Variants in GMNC observed in about 807,000 individuals in gnomAD.
The protein encoded by GMNC is geminin coiled-coil domain containing.
Under a neutral mutation model 33.6 loss-of-function variants are expected in GMNC, and 16 were observed. That is an observed-to-expected ratio of 0.48 (90% CI 0.32 to 0.72). GMNC has a LOEUF of 0.72. Among genes scored for constraint, GMNC ranks in the 30% least tolerant of loss-of-function variants. GMNC has a pLI of 0.03. For synonymous variants in GMNC, 156 were observed against 147.3 expected, an observed-to-expected ratio of 1.06 and a Z score of -0.43; for missense variants, 393 against 388.9, an observed-to-expected ratio of 1.01 and a Z score of -0.09.
chr3:190,855,956 T>C (rs1004834971), intron 4 of GMNC, 41 bp from the exon 5 acceptor site: 2 of 1,416,830 alleles, frequency 1.4e-6, no homozygotes, highest in African/African-American at 1.5e-5. Flanking sequence ...TTTTCATATA[T>C]TTACTAGTTA....
chr3:190,860,687 G>A lies in GMNC; in HGVS notation c.175C>T (p.Gln59Ter). The change falls in exon 2 of 5, where the codon CAG (glutamine) becomes TAG (stop). Residue 59 changes from glutamine (Q) to a stop codon, truncating the protein, a stop_gained. Coordinates refer to ENST00000442080, the MANE Select transcript of GMNC (RefSeq NM_001146686.3). LOFTEE classifies it high-confidence loss of function. ...GAAGCAGAAGAGCAGAACTTACCCT[G>A]TGCCTGTGGTGCTTGTTGGAGCTCT... ...NRELQQAPQA[Q>*]ESFSDSNFPL... 1 of 1,549,808 alleles carries A rather than the reference G, an allele frequency of 6.5e-7. No individual in the cohort carries two copies. The highest frequency in any genetic ancestry group is 8.7e-7 in the Non-Finnish European group (1 of 1,146,394).
downstream of GMNC, among the ~76,000 whole-genome samples, chr3:190,849,814 C>T (rs768308175): frequency 6.6e-6 from 1 of 152,108 alleles, no homozygotes; most frequent in Non-Finnish European, 1.5e-5. Flanking sequence ...ATAAATATGA[C>T]TATTCACTGT....
At chr3:190,847,905 A>T (rs1032914024), downstream of GMNC, among the ~76,000 whole-genome samples, 2 of 152,226 alleles carry the variant, frequency 1.3e-5, no homozygotes, top group African/African-American at 4.8e-5. Context: ...AAATATAGGA[A>T]TATCATGTTT....
At chr3:190,844,701 AAT>A in the GMNC span, among the ~76,000 whole-genome samples, 1 of 152,072 alleles carries the variant, frequency 6.6e-6, no homozygotes, top group Non-Finnish European at 1.5e-5. Context: ...CATCAGGAAA[AAT>A]AGACATTGCA....
chr3:190,848,757 T>C (rs1308980233), downstream of GMNC, among the ~76,000 whole-genome samples: 2 of 152,176 alleles, frequency 1.3e-5, no homozygotes, highest in Non-Finnish European at 2.9e-5. Flanking sequence ...GGTAAACATA[T>C]AGGACAAACA....
the GMNC span, among the ~76,000 whole-genome samples, chr3:190,845,954 A>C: frequency 2.0e-5 from 3 of 152,156 alleles, no homozygotes; most frequent in Non-Finnish European, 4.4e-5. Flanking sequence ...TGGGGTGGGC[A>C]CTGTGGCTCA....
rs1577913397 is a variant in GMNC, at chr3:190,860,710, T to G, written c.152A>C (p.Glu51Ala). The change falls in exon 2 of 5, where the codon GAG (glutamate) becomes GCG (alanine). Residue 51 changes from glutamate (E) to alanine (A), a missense_variant. Glu to Ala is a moderately radical substitution (Grantham distance 107). Transcript: ENST00000442080. ...CTGTGCCTGTGGTGCTTGTTGGAGC[T>G]CTCTGTTGTCCAGGAGACCAGCAGC... ...FWAAGLLDNR[E>A]LQQAPQAQES... The G allele has an allele frequency of 6.4e-7, 1 of 1,551,032 alleles. No homozygotes were observed. Among genetic ancestry groups the G allele is most frequent in the South Asian group, 1.2e-5 (1 of 84,014 alleles).
rs1467268102 is a variant in GMNC, at chr3:190,862,469, AG to A, written c.3+143del. ...AGATAGAGGATACTAAAAGAGACAC[AG>A]GGCAGCAGAGAGGATCTGTTTTAAC... On this transcript the variant is annotated intron_variant, in intron 1 of 4. Coordinates refer to ENST00000442080, the MANE Select transcript of GMNC (RefSeq NM_001146686.3). The surrounding 1 kb of genome is among the most constrained non-coding windows in gnomAD (Gnocchi z 4.5). 2 of 712,302 alleles carry A rather than the reference AG, an allele frequency of 2.8e-6. No individual in the cohort carries two copies. Among genetic ancestry groups the A allele is most frequent in the East Asian group, 5.4e-5 (2 of 37,152 alleles). 44.1% of individuals were successfully genotyped at this position (712,302 alleles called of 1,614,324 possible). A position where few individuals can be genotyped will look rare whatever the true frequency, so the allele number is the denominator to read the frequency against.
rs1227864188 is a variant in GMNC at position 190,860,752 on chromosome 3, G to A, written c.110C>T (p.Thr37Ile). 1 of 1,551,600 alleles carries A rather than the reference G, an allele frequency of 6.4e-7. No individual in the cohort carries two copies. The highest frequency in any genetic ancestry group is 1.2e-5 in the South Asian group (1 of 84,038). The change falls in exon 2 of 5, where the codon ACT (threonine) becomes ATT (isoleucine). Residue 37 changes from threonine (T) to isoleucine (I), a missense_variant. By Grantham distance (89) the Thr-to-Ile change is moderately conservative. Transcript: ENST00000442080. ...SESSVDVSTE[T>I]WVSFWAAGLL... ...ACCAGCAGCCCAGAAAGAGACCCAAGTCTCCGTGGAAACGTCAACACTAGA... is the reference window on the plus strand; with the variant it reads ...ACCAGCAGCCCAGAAAGAGACCCAAATCTCCGTGGAAACGTCAACACTAGA...
the GMNC span, among the ~76,000 whole-genome samples, chr3:190,847,568 A>G: frequency 6.6e-6 from 1 of 152,140 alleles, no homozygotes; most frequent in Non-Finnish European, 1.5e-5. Flanking sequence ...TTTTGTCTTG[A>G]AAAATGTTGG....
At chr3:190,859,556 A>G (rs982774181) in intron 2 of GMNC, among the ~76,000 whole-genome samples, 17 of 152,204 alleles carry the variant, frequency 1.1e-4, no homozygotes, top group African/African-American at 4.1e-4. Context: ...AGCACTTTCT[A>G]CTTTAAAACA....
Position 190,861,455 on chromosome 3 carries a change from CATCTATCTATCTATCT to C in GMNC, c.4-613_4-598del, listed in dbSNP as rs11378580. Among the ~76,000 whole-genome samples the C allele has an allele frequency of 1.1e-3, 154 of 146,006 alleles. 1 individual carries two copies. In the South Asian group the frequency reaches 0.012, roughly 11 times the overall value. ...TCTGTCTGTCTGTCTGTCTGCCTAT[CATCTATCTATCTATCT>C]ATCTATCTATCTATCTATCTATCTA... On this transcript the variant is annotated intron_variant, in intron 1 of 4. Transcript: ENST00000442080. The surrounding 1 kb of genome is among the most constrained non-coding windows in gnomAD (Gnocchi z 5.1).
downstream of GMNC, among the ~76,000 whole-genome samples, chr3:190,851,781 CA>C (rs1366560255): frequency 1.3e-5 from 2 of 151,764 alleles, no homozygotes; most frequent in African/African-American, 4.8e-5. Context: ...AAAATGTTTC[CA>C]AAATAAGGGC....
chr3:190,845,866 G>A, the GMNC span, among the ~76,000 whole-genome samples: 527 of 152,254 alleles, frequency 3.5e-3, 2 homozygotes, highest in African/African-American at 0.012. Context: ...CAGGAAATAA[G>A]CAGTGAAAAC....
At chr3:190,859,938 T>C in intron 2 of GMNC, 1 of 320,974 alleles carries the variant, frequency 3.1e-6, no homozygotes, top group South Asian at 2.8e-5. Context: ...AGTGGAAAGC[T>C]AATATTCAAC....
At chr3:190,851,134 A>G (rs1467657658), downstream of GMNC, among the ~76,000 whole-genome samples, 3 of 152,226 alleles carry the variant, frequency 2.0e-5, no homozygotes, top group Non-Finnish European at 2.9e-5. Context: ...CTATATACCT[A>G]TATAGTGGCC....
At chr3:190,851,061 C>T (rs185104905), downstream of GMNC, among the ~76,000 whole-genome samples, 1 of 152,278 alleles carries the variant, frequency 6.6e-6, no homozygotes, top group Non-Finnish European at 1.5e-5. Context: ...CAGGTTACTG[C>T]CCTGAGATGC....
At position 190,858,953 on chromosome 3, in the gene GMNC, G is replaced by A; in HGVS notation, c.242C>T (p.Ser81Phe). 3 of 1,549,984 alleles carry A rather than the reference G, an allele frequency of 1.9e-6. No homozygotes were observed. The South Asian group carries it at 3.6e-5, about 18-fold the overall frequency. The change falls in exon 3 of 5, where the codon TCC becomes TTC. Residue 81 changes from serine (S) to phenylalanine (F), a missense_variant. Physicochemically the swap from Ser to Phe is radical, Grantham distance 155 (BLOSUM62 -2). Coordinates refer to ENST00000442080, the MANE Select transcript of GMNC (RefSeq NM_001146686.3). ...CTGCTTATTTCTGTAGAGCTGAGAG[G>A]AAAGCTGAGCCTCTTCCCATGAGCA... ...DLCSWEEAQL[S>F]SQLYRNKQLQ...
At chr3:190,844,587 A>G in the GMNC span, among the ~76,000 whole-genome samples, 1 of 151,912 alleles carries the variant, frequency 6.6e-6, no homozygotes, top group Non-Finnish European at 1.5e-5. Flanking sequence ...GATTGATAGT[A>G]TCAGAAAAAA....
Sources: gnomAD v4.1 joint callset for allele counts (sites outside exome capture counted in the v4.1 genomes callset) on GRCh38, gnomAD v4.1.1 for gene constraint, Gnocchi (gnomAD v3.1) non-coding constraint, MANE v1.5 for transcripts, NCBI Gene and HGNC (gene_info 2026-07-23, HGNC 2026-07-21) for gene names.